The following TIMM8B variants were observed in gnomAD, a reference collection of about 807,000 sequenced individuals.
The protein encoded by TIMM8B is translocase of inner mitochondrial membrane 8 homolog B.
TIMM8B carries 5 observed loss-of-function variants against 8.5 expected under a neutral mutation model. That is an observed-to-expected ratio of 0.59 (90% confidence interval 0.31 to 1.24). The LOEUF (loss-of-function observed/expected upper bound fraction) is 1.24, where lower values mean the gene tolerates loss of function less well. TIMM8B is among the 50% of genes most tolerant of loss of function. The pLI, the probability that TIMM8B is intolerant of heterozygous loss-of-function variation, is 0.07. For synonymous variants in TIMM8B, 44 were observed against 39.9 expected (o/e 1.10, Z -0.39); for missense variants, 104 against 109.2 (o/e 0.95, Z 0.21).
intron 1 of TIMM8B, chr11:112,086,040 C>A: frequency 3.4e-6 from 4 of 1,171,656 alleles, no homozygotes; most frequent in Non-Finnish European, 4.3e-6. Context: ...TAGCTGTCAT[C>A]ACCTCCCATT....
intron 1 of TIMM8B, among the ~76,000 whole-genome samples, 192 bp from the exon 2 acceptor site, chr11:112,085,654 A>G (rs909066396): frequency 1.3e-5 from 2 of 152,224 alleles, no homozygotes; most frequent in Non-Finnish European, 2.9e-5. Flanking sequence ...TACAGATTGT[A>G]CATTCTCAGG....
chr11:112,086,281 G>A (rs747652027), intron 1 of TIMM8B: 5 of 498,782 alleles, frequency 1.0e-5, no homozygotes, highest in African/African-American at 1.9e-5. Flanking sequence ...AACCCACAGT[G>A]GATGAGTATC....
Position 112,085,396 on chromosome 11 carries a change from G to A in TIMM8B, c.151C>T (p.Arg51Cys). ...CAGCTGGAGAGACAATTTTCAGTGC[G>A]AGAGTCTAGGCGATTCCCTGGCTTC... is the stretch of plus-strand genomic sequence containing the variant. ...VEKPGNRLDS[R>C]TENCLSSCVD... The change falls in exon 2 of 2, where the codon CGC (arginine) becomes TGC (cysteine). Residue 51 changes from arginine (R) to cysteine (C), a missense_variant. Coordinates refer to ENST00000504148, the MANE Select transcript of TIMM8B (RefSeq NM_012459.4). 1.9e-6 allele frequency: 3 copies of A among 1,614,044 alleles called. No homozygotes were observed. The highest frequency in any genetic ancestry group is 1.1e-5 in the South Asian group (1 of 91,072).
rs1865562834 is a variant in TIMM8B at position 112,085,195 on chromosome 11, C to T, written c.*100G>A. 2 of 912,718 alleles carry T rather than the reference C, an allele frequency of 2.2e-6. No homozygotes were observed. The highest frequency in any genetic ancestry group is 2.3e-5 in the South Asian group (1 of 43,478). The allele number at this position is 912,718 out of a possible 1,614,324, so 56.5% of individuals were successfully genotyped here. A position where few individuals can be genotyped will look rare whatever the true frequency, so the allele number is the denominator to read the frequency against. The stretch of plus-strand genomic sequence containing the variant: ...TAGCACCAACAGACTTGATAACAGC[C>T]TGATGCTGATCTGACAATGGGTTGA... On this transcript the variant is annotated 3_prime_UTR_variant, in exon 2 of 2. Transcript: ENST00000504148.
intron 1 of TIMM8B, 69 bp from the exon 2 acceptor site, chr11:112,085,531 C>A: frequency 7.6e-7 from 1 of 1,310,020 alleles, no homozygotes; most frequent in South Asian, 1.5e-5. Context: ...ATTAACTTCT[C>A]ACTTTTTGAC....
At chr11:112,086,484 A>G (rs3809034) in intron 1 of TIMM8B, among the ~76,000 whole-genome samples, 156 bp downstream of exon 1, 1 of 152,120 alleles carries the variant, frequency 6.6e-6, no homozygotes, top group East Asian at 1.9e-4. Context: ...ACCGGTCACC[A>G]GGGACAGGAG....
chr11:112,085,297 A>G lies in TIMM8B; in HGVS notation c.250T>C (p.Ter84GlnextTer18), dbSNP rs878869460. 3 of 1,609,958 alleles carry G rather than the reference A, an allele frequency of 1.9e-6. No homozygotes were observed. The African/African-American group carries it at 4.0e-5, about 22-fold the overall frequency. ...CTGTCATTCTCCTGGGGGATGGCCTACTGCCCTCCTTTCTGTACAATCTGG... is the reference window on the plus strand; with the variant it reads ...CTGTCATTCTCCTGGGGGATGGCCTGCTGCCCTCCTTTCTGTACAATCTGG... The part of the protein sequence containing the change: ...FAQIVQKGGQ[*>Q] The change falls in exon 2 of 2, where the codon TAG becomes CAG. Residue 84 changes from the stop codon to glutamine, a stop_lost. Coordinates refer to ENST00000504148, the MANE Select transcript of TIMM8B (RefSeq NM_012459.4).
At chr11:112,086,536 G>A in intron 1 of TIMM8B, 104 bp downstream of exon 1, 1 of 1,451,794 alleles carries the variant, frequency 6.9e-7, no homozygotes. Context: ...GGATGCAGCC[G>A]GGATCGAGCA....
chr11:112,085,643 C>T (rs1865580072), intron 1 of TIMM8B, among the ~76,000 whole-genome samples, 181 bp from the exon 2 acceptor site: 1 of 152,182 alleles, frequency 6.6e-6, no homozygotes, highest in Admixed American at 6.5e-5. Flanking sequence ...ATCCTCGTCC[C>T]TACAGATTGT....
intron 1 of TIMM8B, chr11:112,085,907 G>T: frequency 1.5e-6 from 1 of 648,940 alleles, no homozygotes; most frequent in Non-Finnish European, 2.0e-6. Context: ...TCTAGCCAGG[G>T]TTCTTGCTGG....
rs116405897 is a variant in TIMM8B at position 112,085,407 on chromosome 11, C to T, written c.140G>A (p.Arg47His). The stretch of plus-strand genomic sequence containing the variant: ...ACAATTTTCAGTGCGAGAGTCTAGG[C>T]GATTCCCTGGCTTCTCCACACATTT... ...WDKCVEKPGN[R>H]LDSRTENCLS... is the part of the protein sequence containing the mutation. Residue 47 changes from arginine to histidine, a missense_variant, in exon 2 of 2, where the codon CGC (arginine) becomes CAC (histidine). Coordinates refer to ENST00000504148, the MANE Select transcript of TIMM8B (RefSeq NM_012459.4). 2.2e-5 allele frequency: 35 copies of T among 1,614,008 alleles called. No individual in the cohort carries two copies. Among genetic ancestry groups the T allele is most frequent in the African/African-American group, 1.6e-4 (12 of 75,040 alleles).
chr11:112,085,688 C>T (rs1706804824), intron 1 of TIMM8B, among the ~76,000 whole-genome samples: 2 of 152,148 alleles, frequency 1.3e-5, no homozygotes, highest in Non-Finnish European at 2.9e-5. Context: ...CTTTTATATT[C>T]CCCAAAGTAG....
intron 1 of TIMM8B, chr11:112,086,211 A>G (rs1167889983): frequency 7.7e-6 from 4 of 521,976 alleles, no homozygotes; most frequent in Non-Finnish European, 1.4e-5. Flanking sequence ...TCGTTTTCAA[A>G]TACATTGTCG....
intron 1 of TIMM8B, chr11:112,085,958 C>T: frequency 9.4e-7 from 1 of 1,062,374 alleles, no homozygotes; most frequent in East Asian, 7.0e-5. Flanking sequence ...AAGGAAAAAA[C>T]CATTTTACCA....
Position 112,085,172 on chromosome 11 carries a change from G to C in TIMM8B, c.*123C>G. ...TGAACATTTCATCTTTTACTTTTTA[G>C]CACCAACAGACTTGATAACAGCCTG... On this transcript the variant is annotated 3_prime_UTR_variant, in exon 2 of 2. Transcript: ENST00000504148. 1 of 662,950 alleles carries C rather than the reference G, an allele frequency of 1.5e-6. No homozygotes were observed. Among genetic ancestry groups the C allele is most frequent in the Non-Finnish European group, 2.3e-6 (1 of 428,636 alleles). 41.1% of individuals were successfully genotyped at this position (662,950 alleles called of 1,614,324 possible). A position where few individuals can be genotyped will look rare whatever the true frequency, so the allele number is the denominator to read the frequency against.
rs773570289 is a variant in TIMM8B, at chr11:112,085,250, C to G, written c.*45G>C. ...CTTCCCCCACTGACCCTTAAATCTG[C>G]TTAGTAACAAGTCCTTTGCTTCTGT... is the stretch of plus-strand genomic sequence containing the variant. On this transcript the variant is annotated 3_prime_UTR_variant, in exon 2 of 2. Coordinates refer to ENST00000504148, the MANE Select transcript of TIMM8B (RefSeq NM_012459.4). 2.6e-6 allele frequency: 4 copies of G among 1,552,722 alleles called. No homozygotes were observed. In the African/African-American group the frequency reaches 5.4e-5, roughly 21 times the overall value.
intron 1 of TIMM8B, chr11:112,086,309 G>A: frequency 1.9e-6 from 1 of 530,976 alleles, no homozygotes; most frequent in Non-Finnish European, 3.6e-6. Flanking sequence ...CGGGCACGTG[G>A]CCTGCAAGGA....
chr11:112,085,330 G>T lies in TIMM8B; in HGVS notation c.217C>A (p.Arg73=). The stretch of plus-strand genomic sequence containing the variant: ...CCTTTCTGTACAATCTGGGCAAACC[G>T]ACTGGTGATGGCAAGAGTGGTGTCA... The part of the protein sequence containing the change: ...FIDTTLAITS[R]FAQIVQKGGQ The change falls in exon 2 of 2, where the codon CGG becomes AGG. Residue 73 remains arginine (R), a synonymous_variant. Coordinates refer to ENST00000504148, the MANE Select transcript of TIMM8B (RefSeq NM_012459.4). 6.2e-7 allele frequency: 1 copy of T among 1,612,814 alleles called. No individual in the cohort carries two copies. The highest frequency in any genetic ancestry group is 8.5e-7 in the Non-Finnish European group (1 of 1,179,896).
In TIMM8B at chr11:112,086,093, G is replaced by C. The variant is rs117661257; in HGVS notation, c.84+547C>G. 8.5e-3 allele frequency: 10,220 copies of C among 1,203,618 alleles called. 53 individuals are homozygous for C. The highest frequency in any genetic ancestry group is 0.022 in the Middle Eastern group (59 of 2,690). The allele number at this position is 1,203,618 out of a possible 1,614,324, so 74.6% of individuals were successfully genotyped here. The stretch of plus-strand genomic sequence containing the variant: ...TAGTCCAAGGTCATGTAGCCAGCAA[G>C]AAGTCAGGCCGCGTTAGAACCATGT... On this transcript the variant is annotated intron_variant, in intron 1 of 1. Coordinates refer to ENST00000504148, the MANE Select transcript of TIMM8B (RefSeq NM_012459.4).
Sources: gnomAD v4.1 joint callset for allele counts (sites outside exome capture counted in the v4.1 genomes callset) on GRCh38, gnomAD v4.1.1 for gene constraint, MANE v1.5 for transcripts, NCBI Gene and HGNC (gene_info 2026-07-23, HGNC 2026-07-21) for gene names.